GOLGA6B: variants seen among roughly 807,000 people sequenced by gnomAD.
GOLGA6B encodes the protein golgin subfamily A member 6B.
A neutral mutation model predicts 63.0 loss-of-function variants in GOLGA6B; 11 were observed. That is an observed-to-expected ratio of 0.17 (90% CI 0.11 to 0.29). GOLGA6B has a LOEUF of 0.29. GOLGA6B is among the 10% of genes least tolerant of loss of function. The probability of loss-of-function intolerance (pLI) is 1.00; values close to 1 mark genes in which losing one functional copy is unlikely to be tolerated. For synonymous variants in GOLGA6B, 46 were observed against 232.6 expected, an observed-to-expected ratio of 0.20 and a Z score of 7.30; for missense variants, 134 against 563.8, an observed-to-expected ratio of 0.24 and a Z score of 7.72.
At chr15:72,664,240 G>T (rs1302312732) in intron 12 of GOLGA6B, among the ~76,000 whole-genome samples, 196 bp from the exon 13 acceptor site, 1 of 130,402 alleles carries the variant, frequency 7.7e-6, no homozygotes, top group Non-Finnish European at 1.7e-5. Flanking sequence ...AGAAGGAGGC[G>T]CTGCACAGGC....
intron 2 of GOLGA6B, among the ~76,000 whole-genome samples, chr15:72,658,031 C>T (rs2064584322): frequency 3.8e-5 from 1 of 26,420 alleles, no homozygotes; most frequent in Non-Finnish European, 5.3e-5. Context: ...GGTGCGATCT[C>T]GGCTCACTAC....
At chr15:72,660,587 T>G (rs1355113507) in intron 7 of GOLGA6B, among the ~76,000 whole-genome samples, 12 of 106,480 alleles carry the variant, frequency 1.1e-4, no homozygotes, top group South Asian at 5.7e-4. Context: ...AGGAAAGGGG[T>G]GTGTGTGTGT....
At chr15:72,664,170 G>C (rs565669581) in intron 12 of GOLGA6B, among the ~76,000 whole-genome samples, 2 of 130,652 alleles carry the variant, frequency 1.5e-5, no homozygotes, top group Non-Finnish European at 3.5e-5. Flanking sequence ...CAGCAGCAGC[G>C]AGACTAGTAC....
rs760752294 is a variant in GOLGA6B, at chr15:72,666,284, A to G, written c.2024A>G (p.His675Arg). 1.1e-5 allele frequency: 17 copies of G among 1,587,976 alleles called. No individual in the cohort carries two copies. In the African/African-American group the frequency reaches 2.1e-4, roughly 20 times the overall value. ...APGAAREGSP[H>R]DNPTVQQIVQ... ...GGAGCGGCCAGGGAGGGTTCTCCCC[A>G]TGACAACCCCACTGTACAGCAGATC... The change falls in exon 18 of 18, where the codon CAT (histidine) becomes CGT (arginine). Residue 675 changes from histidine to arginine, a missense_variant. Transcript: ENST00000421285.
At chr15:72,661,605 A>T in intron 9 of GOLGA6B, 39 bp downstream of exon 9, 1 of 599,644 alleles carries the variant, frequency 1.7e-6, no homozygotes. Context: ...TAGATAGGTC[A>T]CTGGATCTTT....
At chr15:72,664,099 T>G (rs993989179) in intron 12 of GOLGA6B, among the ~76,000 whole-genome samples, 4 of 130,122 alleles carry the variant, frequency 3.1e-5, no homozygotes, top group African/African-American at 1.1e-4. Flanking sequence ...AGCCACCATG[T>G]GCCCTCATGC....
At position 72,663,485 on chromosome 15, in the gene GOLGA6B, C is replaced by T. The variant is rs1209680167; in HGVS notation, c.1425+380C>T. On this transcript the variant is annotated intron_variant, in intron 12 of 17. Coordinates refer to ENST00000421285, the MANE Select transcript of GOLGA6B (RefSeq NM_018652.5). The stretch of plus-strand genomic sequence containing the variant: ...TTTGAGACCAGCCTGGCCAACGTGG[C>T]GAAACCTCACCCCTACTAAAATTAC... 6.6e-4 allele frequency among the ~76,000 whole-genome samples: 62 copies of T among 93,844 alleles called. 1 individual carries two copies. The highest frequency in any genetic ancestry group is 2.8e-3 in the South Asian group (6 of 2,148). 61.6% of individuals were successfully genotyped at this position (93,844 alleles called of 152,430 possible).
rs1434500133 is a variant in GOLGA6B, at chr15:72,667,634, T to A, written c.*1292T>A. 1.2e-4 allele frequency among the ~76,000 whole-genome samples: 18 copies of A among 152,128 alleles called. No homozygotes were observed. The highest frequency in any genetic ancestry group is 4.4e-5 in the Non-Finnish European group (3 of 68,054). ...TAGTTACTCTGACGTAGGAATTTAC[T>A]TCTTTTCTTTGAATGGAAAACACTT... On this transcript the variant is annotated 3_prime_UTR_variant, in exon 18 of 18. Coordinates refer to ENST00000421285, the MANE Select transcript of GOLGA6B (RefSeq NM_018652.5).
Position 72,664,443 on chromosome 15 carries a change from T to G in GOLGA6B, c.1433T>G (p.Leu478Arg), listed in dbSNP as rs1273651116. 3 of 1,324,550 alleles carry G rather than the reference T, an allele frequency of 2.3e-6. 1 individual carries two copies. Among genetic ancestry groups the G allele is most frequent in the Non-Finnish European group, 3.1e-6 (3 of 964,380 alleles). The allele number at this position is 1,324,550 out of a possible 1,614,324, so 82.0% of individuals were successfully genotyped here. ...ELQEKLDEEH[L>R]EAASQQNQQL... ...TGTTTCCCGTCCCCTTAGGAGCACC[T>G]AGAAGCTGCCAGCCAGCAGAACCAA... The change falls in exon 13 of 18, where the codon CTA (leucine) becomes CGA (arginine). Residue 478 changes from leucine to arginine, a missense_variant. Leu to Arg is a moderately radical substitution (Grantham distance 102, BLOSUM62 -2). Coordinates refer to ENST00000421285, the MANE Select transcript of GOLGA6B (RefSeq NM_018652.5).
rs2064651777 is a variant in GOLGA6B, at chr15:72,669,289, C to A, written c.*2947C>A. On this transcript the variant is annotated 3_prime_UTR_variant, in exon 18 of 18. Coordinates refer to ENST00000421285, the MANE Select transcript of GOLGA6B (RefSeq NM_018652.5). ...TCTCTAAAACTTTATCTTAAAGAGT[C>A]ATTTTAAAAGAATATAACTATTCAT... Among the ~76,000 whole-genome samples the A allele has an allele frequency of 6.6e-6, 1 of 152,152 alleles. No homozygotes were observed. The highest frequency in any genetic ancestry group is 2.4e-5 in the African/African-American group (1 of 41,426).
Position 72,669,387 on chromosome 15 carries a change from A to G in GOLGA6B, c.*3045A>G, listed in dbSNP as rs1188522517. 3.3e-5 allele frequency among the ~76,000 whole-genome samples: 5 copies of G among 151,770 alleles called. No homozygotes were observed. Among genetic ancestry groups the G allele is most frequent in the Non-Finnish European group, 5.9e-5 (4 of 67,812 alleles). On this transcript the variant is annotated 3_prime_UTR_variant, in exon 18 of 18. Transcript: ENST00000421285. ...AAATATGAATACTGTAGTTTGAAAG[A>G]AAGAAACTGGGGGAAGGAAAAGTAG... is the stretch of plus-strand genomic sequence containing the variant.
Position 72,667,710 on chromosome 15 carries a change from G to A in GOLGA6B, c.*1368G>A, listed in dbSNP as rs2064646324. ...AAACCAATATATGTGAGAGTACTTA[G>A]TTGAAACAAAAAGGAGTTTTAGTAG... On this transcript the variant is annotated 3_prime_UTR_variant, in exon 18 of 18. Transcript: ENST00000421285. Among the ~76,000 whole-genome samples the A allele has an allele frequency of 6.7e-6, 1 of 148,954 alleles. No individual in the cohort carries two copies. The highest frequency in any genetic ancestry group is 1.5e-5 in the Non-Finnish European group (1 of 66,990).
intron 17 of GOLGA6B, 39 bp downstream of exon 17, chr15:72,666,167 A>G (rs2064638572): frequency 1.3e-6 from 2 of 1,587,606 alleles, no homozygotes; most frequent in Admixed American, 1.7e-5. Flanking sequence ...AGGCAGGGGC[A>G]GGGGAGGCTC....
At position 72,664,310 on chromosome 15, in the gene GOLGA6B, G is replaced by T. The variant is rs1355172229; in HGVS notation, c.1426-126G>T. 15 of 1,178,648 alleles carry T rather than the reference G, an allele frequency of 1.3e-5. 2 individuals carry two copies. The African/African-American group carries it at 2.0e-4, about 16-fold the overall frequency. The allele number at this position is 1,178,648 out of a possible 1,614,324, so 73.0% of individuals were successfully genotyped here. ...GCAGCAGCAGGAAGCTTGGGGCAAA[G>T]CGGTGGCTGAGATGGCCGGCCAAAA... On this transcript the variant is annotated intron_variant, in intron 12 of 17. Transcript: ENST00000421285.
rs1013756367 is a variant in GOLGA6B, at chr15:72,663,860, C to G, written c.1426-576C>G. ...TACCTGGAAAGCATTAGGCATGTAG[C>G]ACACTTAGCAGATGGTGGTTGGCTC... On this transcript the variant is annotated intron_variant, in intron 12 of 17. Transcript: ENST00000421285. 1.6e-5 allele frequency among the ~76,000 whole-genome samples: 2 copies of G among 128,854 alleles called. 1 individual carries two copies. The highest frequency in any genetic ancestry group is 3.5e-5 in the Non-Finnish European group (2 of 57,328). The allele number at this position is 128,854 out of a possible 152,430, so 84.5% of individuals were successfully genotyped here. A position where few individuals can be genotyped will look rare whatever the true frequency, so the allele number is the denominator to read the frequency against.
chr15:72,664,884 A>G (rs143524159), intron 13 of GOLGA6B, 60 bp from the exon 14 acceptor site: 155,990 of 451,846 alleles, frequency 0.35, 59,263 homozygotes, highest in Non-Finnish European at 0.42. Context: ...GGACAGAGGT[A>G]GGCCCACAGG....
At chr15:72,657,619 A>T in intron 2 of GOLGA6B, among the ~76,000 whole-genome samples, 1 of 43,544 alleles carries the variant, frequency 2.3e-5, no homozygotes, top group Non-Finnish European at 4.2e-5. Flanking sequence ...GGACATTCTG[A>T]AGGTGCGGGT....
chr15:72,660,422 T>C (rs2064590081), intron 7 of GOLGA6B, among the ~76,000 whole-genome samples, 193 bp downstream of exon 7: 1 of 22,442 alleles, frequency 4.5e-5, no homozygotes, highest in Non-Finnish European at 8.5e-5. Flanking sequence ...GGGGGCACTG[T>C]GGGGAGTGAG....
intron 7 of GOLGA6B, among the ~76,000 whole-genome samples, chr15:72,660,625 G>A (rs944237704): frequency 9.4e-5 from 10 of 106,686 alleles, no homozygotes; most frequent in African/African-American, 3.9e-4. Flanking sequence ...TGTGTACTAT[G>A]ATAATATACA....
Sources: allele counts gnomAD v4.1 joint callset (sites outside exome capture counted in the v4.1 genomes callset), GRCh38; gene constraint gnomAD v4.1.1; transcripts MANE v1.5; gene names NCBI Gene and HGNC (gene_info 2026-07-23, HGNC 2026-07-21).